Variants in GPHN observed in about 807,000 individuals in gnomAD.
The protein encoded by GPHN is gephyrin.
A neutral mutation model predicts 95.5 loss-of-function variants in GPHN; 17 were observed. The observed-to-expected ratio is 0.18, with a 90% confidence interval of 0.12 to 0.27. The LOEUF (loss-of-function observed/expected upper bound fraction) is 0.27. Among genes scored for constraint, GPHN ranks in the 10% least tolerant of loss-of-function variants. The pLI, the probability that GPHN is intolerant of heterozygous loss-of-function variation, is 1.00. For synonymous variants in GPHN, 320 were observed against 322.5 expected (o/e 0.99, Z 0.08); for missense variants, 660 against 978.1 (o/e 0.67, Z 4.34).
At chr14:67,579,837 G>A in the GPHN span, 25 of 1,606,854 alleles carry the variant, frequency 1.6e-5, no homozygotes, top group Middle Eastern at 1.6e-4. Context: ...ACGATCCCTC[G>A]GGCAGGGACC....
intron 11 of GPHN, among the ~76,000 whole-genome samples, chr14:67,059,228 T>TA (rs201373148): frequency 0.013 from 2,002 of 151,392 alleles, 20 homozygotes; most frequent in Non-Finnish European, 0.02. Flanking sequence ...TGTAAAAATG[T>TA]AAAAAAAAAT....
At chr14:67,634,079 GCA>G in the GPHN span, among the ~76,000 whole-genome samples, 2 of 152,070 alleles carry the variant, frequency 1.3e-5, no homozygotes, top group South Asian at 4.1e-4. Flanking sequence ...GGAGTGCTAG[GCA>G]CAGAGTATAC....
At chr14:67,407,719 G>A in the GPHN span, among the ~76,000 whole-genome samples, 5 of 152,214 alleles carry the variant, frequency 3.3e-5, no homozygotes, top group African/African-American at 9.6e-5. Context: ...GGAATTTACA[G>A]GTGTGAGCCA....
At chr14:66,945,118 C>T (rs1176325179) in intron 8 of GPHN, among the ~76,000 whole-genome samples, 1 of 152,106 alleles carries the variant, frequency 6.6e-6, no homozygotes, top group East Asian at 1.9e-4. Context: ...TCTTGTTACA[C>T]AACAGGGATA....
chr14:66,938,206 A>G (rs1036198042), intron 8 of GPHN, among the ~76,000 whole-genome samples: 1 of 152,330 alleles, frequency 6.6e-6, no homozygotes, highest in East Asian at 1.9e-4. Context: ...GCAAATAACT[A>G]TACTGTCAAG....
the GPHN span, among the ~76,000 whole-genome samples, chr14:67,495,053 G>C: frequency 6.6e-6 from 1 of 152,148 alleles, no homozygotes; most frequent in Non-Finnish European, 1.5e-5. Flanking sequence ...CAACTTTTCT[G>C]TACATTTGAA....
chr14:67,401,626 G>A, the GPHN span, among the ~76,000 whole-genome samples: 1 of 152,194 alleles, frequency 6.6e-6, no homozygotes, highest in African/African-American at 2.4e-5. Flanking sequence ...GCCAAGGAGA[G>A]AGAGGTCTTA....
chr14:67,640,214 C>G, the GPHN span, among the ~76,000 whole-genome samples: 193 of 152,266 alleles, frequency 1.3e-3, no homozygotes, highest in Non-Finnish European at 2.3e-3. Context: ...CCTCCTACCC[C>G]TGCTCTGCTA....
At chr14:67,459,230 CATT>C in the GPHN span, among the ~76,000 whole-genome samples, 9 of 151,914 alleles carry the variant, frequency 5.9e-5, no homozygotes, top group African/African-American at 2.2e-4. Flanking sequence ...AATGAGGTCT[CATT>C]ATGTTGCCCA....
chr14:67,586,815 A>G, the GPHN span: 2 of 1,452,234 alleles, frequency 1.4e-6, no homozygotes, highest in East Asian at 6.0e-5. Context: ...TGTAGAGCTA[A>G]CCAGAGCAGA....
chr14:66,827,716 T>C (rs1160159238), intron 4 of GPHN, among the ~76,000 whole-genome samples: 1 of 152,124 alleles, frequency 6.6e-6, no homozygotes, highest in Admixed American at 6.5e-5. Context: ...GTCCATGAAG[T>C]CTTTAGAATC....
chr14:67,722,695 T>C, the GPHN span: 1 of 1,613,796 alleles, frequency 6.2e-7, no homozygotes, highest in South Asian at 1.1e-5. Context: ...CTGTATATGG[T>C]AGCTCCATCC....
the GPHN span, among the ~76,000 whole-genome samples, chr14:67,622,236 G>A: frequency 1.3e-5 from 2 of 152,324 alleles, no homozygotes; most frequent in East Asian, 3.9e-4. Context: ...AAAATGTGAG[G>A]CAGCACGGAG....
chr14:66,763,308 T>C (rs2058831680), intron 2 of GPHN, among the ~76,000 whole-genome samples: 1 of 149,186 alleles, frequency 6.7e-6, no homozygotes, highest in South Asian at 2.2e-4. Flanking sequence ...GTTACATATG[T>C]ATACATGTGC....
Position 67,039,555 on chromosome 14 carries a change from A to G in GPHN, c.1006+15880A>G, listed in dbSNP as rs2074594308. On this transcript the variant is annotated intron_variant, in intron 10 of 22. Transcript: ENST00000478722. The stretch of plus-strand genomic sequence containing the variant: ...GTGCCTGTAATCCCAGCACTTTGGG[A>G]GGCCAAGGCAGGAGGATCACTTGAG... Among the ~76,000 whole-genome samples the G allele has an allele frequency of 2.0e-5, 3 of 152,212 alleles. No individual in the cohort carries two copies. The South Asian group carries it at 6.2e-4, about 31-fold the overall frequency.
chr14:67,114,890 G>A (rs2078586095), intron 16 of GPHN, among the ~76,000 whole-genome samples: 1 of 152,130 alleles, frequency 6.6e-6, no homozygotes, highest in Non-Finnish European at 1.5e-5. Flanking sequence ...CTGGAAGTAG[G>A]CTAAGGTAAT....
the GPHN span, among the ~76,000 whole-genome samples, chr14:67,656,825 G>A: frequency 6.6e-6 from 1 of 152,086 alleles, no homozygotes; most frequent in African/African-American, 2.4e-5. Flanking sequence ...ACACTTACGC[G>A]AGGCAAGGAA....
chr14:66,568,078 G>A (rs2060533246), intron 1 of GPHN, among the ~76,000 whole-genome samples: 1 of 152,112 alleles, frequency 6.6e-6, no homozygotes, highest in Admixed American at 6.5e-5. Flanking sequence ...AATTTTTAAT[G>A]CACTGTTAAA....
chr14:67,393,074 G>T, the GPHN span: 4 of 1,190,168 alleles, frequency 3.4e-6, no homozygotes, highest in African/African-American at 6.0e-5. Context: ...ATACAGGGCG[G>T]TCAAGCACAC....
Sources: gnomAD v4.1 joint callset for allele counts (sites outside exome capture counted in the v4.1 genomes callset) on GRCh38, gnomAD v4.1.1 for gene constraint, MANE v1.5 for transcripts, NCBI Gene and HGNC (gene_info 2026-07-23, HGNC 2026-07-21) for gene names.